MMP24: variants seen among roughly 807,000 people sequenced by gnomAD.
MMP24 encodes the protein matrix metalloproteinase-24.
In MMP24, 25 loss-of-function variants were observed where a neutral mutation model predicts 62.8. The ratio of observed to expected loss-of-function variants is 0.40; its 90% CI spans 0.29 to 0.56. The LOEUF is 0.56. Among genes scored for constraint, MMP24 ranks in the 20% least tolerant of loss-of-function variants. The pLI, the probability that MMP24 is intolerant of heterozygous loss-of-function variation, is 0.50. For synonymous variants in MMP24, 319 were observed against 350.5 expected, an observed-to-expected ratio of 0.91 and a Z score of 1.00; for missense variants, 634 against 853.6, an observed-to-expected ratio of 0.74 and a Z score of 3.21.
At chr20:35,263,724 A>T in intron 4 of MMP24, 67 bp from the exon 5 acceptor site, 1 of 1,343,992 alleles carries the variant, frequency 7.4e-7, no homozygotes. Context: ...TGCTGAGGTA[A>T]TGGGTTGGCT....
intron 2 of MMP24, among the ~76,000 whole-genome samples, chr20:35,247,632 C>T (rs536774884): frequency 7.6e-4 from 115 of 152,266 alleles, no homozygotes; most frequent in African/African-American, 2.3e-3. Context: ...GGGGATGGAA[C>T]CCCACAAAGC....
At chr20:35,266,755 T>A (rs986735616) in intron 5 of MMP24, among the ~76,000 whole-genome samples, 3 of 152,076 alleles carry the variant, frequency 2.0e-5, no homozygotes, top group Non-Finnish European at 2.9e-5. Flanking sequence ...TTTAGCAACA[T>A]CCCCAGATGA....
chr20:35,230,002 A>C (rs2060430984), intron 1 of MMP24, among the ~76,000 whole-genome samples: 1 of 151,680 alleles, frequency 6.6e-6, no homozygotes, highest in Non-Finnish European at 1.5e-5. Flanking sequence ...TTATTTATTT[A>C]TTTTTGAGAC....
intron 4 of MMP24, among the ~76,000 whole-genome samples, chr20:35,260,668 G>A (rs987553759): frequency 6.6e-5 from 10 of 152,240 alleles, no homozygotes; most frequent in African/African-American, 1.4e-4. Context: ...AGCTGGGGGC[G>A]GCCTGGCCCT....
At chr20:35,273,500 G>T (rs78863155) in intron 8 of MMP24, among the ~76,000 whole-genome samples, 1 of 152,164 alleles carries the variant, frequency 6.6e-6, no homozygotes, top group African/African-American at 2.4e-5. Context: ...TCACTGCTGA[G>T]AAAGCCAATG....
Position 35,271,686 on chromosome 20 carries a change from C to T in MMP24, c.1451C>T (p.Pro484Leu). 6.2e-7 allele frequency: 1 copy of T among 1,608,376 alleles called. No individual in the cohort carries two copies. Among genetic ancestry groups the T allele is most frequent in the African/African-American group, 1.3e-5 (1 of 74,990 alleles). ...ATTGACACAGCTCTGCGCTGGGAAC[C>T]TGTGGGCAAGACCTACTTTTTCAAA... Reference protein sequence around the residue: ...EGIDTALRWEPVGKTYFFKGE... With the variant: ...EGIDTALRWELVGKTYFFKGE... Residue 484 changes from proline (P) to leucine (L), a missense_variant, in exon 8 of 9, where the codon CCT becomes CTT. Pro to Leu is a moderately conservative substitution (Grantham distance 98). Around this residue, in one of 3 missense-constraint regions of MMP24, gnomAD observed 399 missense variants for 530.8 expected, o/e 0.75. Coordinates refer to ENST00000246186, the MANE Select transcript of MMP24 (RefSeq NM_006690.4). The surrounding 1 kb of genome is among the most constrained non-coding windows in gnomAD (Gnocchi z 4.0).
rs745845108 is a variant in MMP24 at position 35,263,959 on chromosome 20, G to C, written c.979+7G>C. The C allele has an allele frequency of 6.3e-7, 1 of 1,594,256 alleles. No individual in the cohort carries two copies. The highest frequency in any genetic ancestry group is 1.1e-5 in the South Asian group (1 of 88,444). On this transcript the variant is annotated splice_region_variant and intron_variant, in intron 5 of 8. Coordinates refer to ENST00000246186, the MANE Select transcript of MMP24 (RefSeq NM_006690.4). ...GGCATCCAGAAGATCTATGGTGTGT[G>C]GCAGGGAGAGGGGGGACTGCTCCTT... is the stretch of plus-strand genomic sequence containing the variant.
chr20:35,264,208 T>G, intron 5 of MMP24: 13 of 289,996 alleles, frequency 4.5e-5, no homozygotes, highest in East Asian at 2.0e-4. Context: ...GGGCCACCCA[T>G]TCCCTCTCCT....
Position 35,274,875 on chromosome 20 carries a change from C to G in MMP24, c.*266C>G. The G allele has an allele frequency of 2.1e-6, 1 of 485,394 alleles. No individual in the cohort carries two copies. Among genetic ancestry groups the G allele is most frequent in the Non-Finnish European group, 3.7e-6 (1 of 271,348 alleles). The allele number at this position is 485,394 out of a possible 1,614,324, so 30.1% of individuals were successfully genotyped here. Reference sequence around the variant, plus strand: ...CCTACTTAAGGGAATAGGCCAGGCTCCATCCGGAGGCAGGGACCATGCCAG... The same window carrying G: ...CCTACTTAAGGGAATAGGCCAGGCTGCATCCGGAGGCAGGGACCATGCCAG... On this transcript the variant is annotated 3_prime_UTR_variant, in exon 9 of 9. Transcript: ENST00000246186. The surrounding 1 kb of genome is among the most constrained non-coding windows in gnomAD (Gnocchi z 5.1).
At chr20:35,262,165 G>C (rs1455542082) in intron 4 of MMP24, among the ~76,000 whole-genome samples, 1 of 152,052 alleles carries the variant, frequency 6.6e-6, no homozygotes, top group East Asian at 1.9e-4. Context: ...GGTGTTTCTC[G>C]TAAGGTGGAA....
At chr20:35,270,116 T>G (rs568173869) in intron 7 of MMP24, among the ~76,000 whole-genome samples, 2 of 152,008 alleles carry the variant, frequency 1.3e-5, no homozygotes, top group East Asian at 3.9e-4. Context: ...CCACATGAAG[T>G]AGAGTGTGGG....
chr20:35,265,890 T>C (rs1229997129), intron 5 of MMP24, among the ~76,000 whole-genome samples: 1 of 152,006 alleles, frequency 6.6e-6, no homozygotes, highest in African/African-American at 2.4e-5. Context: ...CAGAACACTC[T>C]ACTGGACAGC....
chr20:35,247,525 GACACTTAGGAGGTAGTA>G (rs1351230223), intron 2 of MMP24, among the ~76,000 whole-genome samples: 5 of 152,270 alleles, frequency 3.3e-5, no homozygotes, highest in East Asian at 1.9e-4. Context: ...GTTTTGGGGA[GACACTTAGGAGGTAGTA>G]ACACTTAGGA....
intron 4 of MMP24, among the ~76,000 whole-genome samples, chr20:35,258,806 A>C (rs368111536): frequency 1.6e-4 from 25 of 152,136 alleles, no homozygotes; most frequent in Middle Eastern, 3.4e-3. Flanking sequence ...TAAAAAAAAA[A>C]AACAACAAAA....
intron 5 of MMP24, among the ~76,000 whole-genome samples, chr20:35,265,436 C>T (rs112508414): frequency 6.8e-6 from 1 of 145,992 alleles, no homozygotes; most frequent in African/African-American, 2.6e-5. Context: ...AGTGAGACTC[C>T]GTCTCAAAAA....
intron 1 of MMP24, among the ~76,000 whole-genome samples, chr20:35,240,019 A>C (rs1441881619): frequency 6.6e-6 from 1 of 152,110 alleles, no homozygotes; most frequent in Non-Finnish European, 1.5e-5. Flanking sequence ...GGGAGGGGGA[A>C]GGGCTGCCTG....
chr20:35,271,681 G>C lies in MMP24; in HGVS notation c.1446G>C (p.Trp482Cys), dbSNP rs2060670580. The change falls in exon 8 of 9, where the codon TGG becomes TGC. Residue 482 changes from tryptophan (W) to cysteine (C), a missense_variant. Trp to Cys is a radical substitution (Grantham distance 215, BLOSUM62 -2). Around this residue, in one of 3 missense-constraint regions of MMP24, gnomAD observed 399 missense variants for 530.8 expected, o/e 0.75. Transcript: ENST00000246186. This position sits in a 1 kb window ranked among gnomAD's most constrained non-coding sequence, Gnocchi z 4.0. ...PREGIDTALR[W>C]EPVGKTYFFK... is the part of the protein sequence containing the mutation. ...AAGGCATTGACACAGCTCTGCGCTG[G>C]GAACCTGTGGGCAAGACCTACTTTT... 2 of 1,608,254 alleles carry C rather than the reference G, an allele frequency of 1.2e-6. No homozygotes were observed. The highest frequency in any genetic ancestry group is 1.3e-5 in the African/African-American group (1 of 74,872).
rs577067524 is a variant in MMP24 at position 35,226,773 on chromosome 20, GGCCGCC to G, written c.55_60del (p.Pro19_Pro20del). 6.7e-5 allele frequency: 57 copies of G among 854,780 alleles called. No individual in the cohort carries two copies. The highest frequency in any genetic ancestry group is 9.9e-5 in the African/African-American group (2 of 20,290). The allele number at this position is 854,780 out of a possible 1,614,324, so 52.9% of individuals were successfully genotyped here. ...AGCCGGGGCGGCCGCGCCGCGCCGG[GGCCGCC>G]GCCGCCGCCGCCGCCGCCGGGCCAG... On this transcript the variant is annotated inframe_deletion, in exon 1 of 9. Coordinates refer to ENST00000246186, the MANE Select transcript of MMP24 (RefSeq NM_006690.4).
At chr20:35,236,718 A>C (rs902006971) in intron 1 of MMP24, among the ~76,000 whole-genome samples, 6 of 152,148 alleles carry the variant, frequency 3.9e-5, no homozygotes, top group Admixed American at 6.6e-5. Flanking sequence ...TCACACCTGT[A>C]ATCCCAGCAC....
Sources: allele counts gnomAD v4.1 joint callset (sites outside exome capture counted in the v4.1 genomes callset), GRCh38; gene constraint gnomAD v4.1.1; regional missense constraint gnomAD v4.1.1; non-coding constraint Gnocchi (gnomAD v3.1); transcripts MANE v1.5; gene names NCBI Gene and HGNC (gene_info 2026-07-23, HGNC 2026-07-21).